Variants in CSMD1 observed in about 807,000 individuals in gnomAD.
The protein encoded by CSMD1 is CUB and sushi domain-containing protein 1.
CSMD1 carries 213 observed loss-of-function variants against 417.5 expected under a neutral mutation model. The observed-to-expected ratio is 0.51, with a 90% CI of 0.46 to 0.57. The LOEUF is 0.57. CSMD1 is among the 20% of genes least tolerant of loss of function. CSMD1 has a pLI of 0.00. For missense variants in CSMD1, 6,923 were observed against 4,529.7 expected (o/e 1.53, Z -15.17); for synonymous variants, 2,862 against 1,736.8 (o/e 1.65, Z -16.11).
At chr8:3,094,239 G>A (rs1324044335) in intron 47 of CSMD1, among the ~76,000 whole-genome samples, 1 of 152,066 alleles carries the variant, frequency 6.6e-6, no homozygotes, top group Non-Finnish European at 1.5e-5. Context: ...CTGAGTAGCT[G>A]GGATTACAGG....
intron 3 of CSMD1, among the ~76,000 whole-genome samples, chr8:4,312,828 C>G (rs1035460050): frequency 3.9e-5 from 6 of 152,022 alleles, no homozygotes; most frequent in South Asian, 4.1e-4. Context: ...TAGCTGAGAT[C>G]GCGCCAGGCA....
chr8:3,786,753 C>T (rs1266367559), intron 5 of CSMD1, among the ~76,000 whole-genome samples: 1 of 152,184 alleles, frequency 6.6e-6, no homozygotes, highest in Non-Finnish European at 1.5e-5. Flanking sequence ...TGAGAACTTT[C>T]TTTCAAGCTC....
rs1412653001 is a variant in CSMD1, at chr8:3,720,960, C to T, written c.932-12469G>A. ...CCTCCCAACTAGCTGGGATTACAGGCACCCACCACTACACCCGGCTAATTT... is the reference window on the plus strand; with the variant it reads ...CCTCCCAACTAGCTGGGATTACAGGTACCCACCACTACACCCGGCTAATTT... On this transcript the variant is annotated intron_variant, in intron 6 of 69. Coordinates refer to ENST00000635120, the MANE Select transcript of CSMD1 (RefSeq NM_033225.6). Among the ~76,000 whole-genome samples the T allele has an allele frequency of 2.0e-5, 3 of 152,058 alleles. No individual in the cohort carries two copies. In the South Asian group the frequency reaches 6.2e-4, roughly 32 times the overall value.
chr8:4,905,829 AAAAAAG>A (rs1261940397), intron 1 of CSMD1, among the ~76,000 whole-genome samples: 164 of 142,544 alleles, frequency 1.2e-3, no homozygotes, highest in South Asian at 3.4e-3. Flanking sequence ...CAAAAAAAAA[AAAAAAG>A]AAAAAAAGAA....
At chr8:3,869,029 T>C (rs1469782548) in intron 5 of CSMD1, among the ~76,000 whole-genome samples, 3 of 152,248 alleles carry the variant, frequency 2.0e-5, no homozygotes, top group Non-Finnish European at 4.4e-5. Context: ...GCTGCAAGCA[T>C]ATTTACAGTG....
chr8:4,442,562 A>AT (rs1338311852), intron 2 of CSMD1, among the ~76,000 whole-genome samples: 1 of 152,096 alleles, frequency 6.6e-6, no homozygotes, highest in Non-Finnish European at 1.5e-5. Flanking sequence ...AACTAAAGAG[A>AT]TTTTATCTTG....
At chr8:3,978,254 T>G (rs1813592933) in intron 5 of CSMD1, among the ~76,000 whole-genome samples, 1 of 152,090 alleles carries the variant, frequency 6.6e-6, no homozygotes, top group Admixed American at 6.6e-5. Flanking sequence ...CCAGCAGAGG[T>G]GACCTGACAT....
chr8:3,352,739 C>A (rs192268341), intron 21 of CSMD1, among the ~76,000 whole-genome samples: 2 of 152,160 alleles, frequency 1.3e-5, no homozygotes, highest in Admixed American at 6.5e-5. Context: ...AATTGGGAGG[C>A]TGAGGCCGGA....
intron 29 of CSMD1, 44 bp from the exon 30 acceptor site, chr8:3,214,735 AT>A (rs772813129): frequency 6.8e-7 from 1 of 1,464,892 alleles, no homozygotes; most frequent in South Asian, 1.3e-5. Flanking sequence ...CAGGGATCTT[AT>A]TCTTGTTTGT....
At chr8:3,147,324 A>C (rs914224650) in intron 40 of CSMD1, among the ~76,000 whole-genome samples, 1 of 152,322 alleles carries the variant, frequency 6.6e-6, no homozygotes, top group South Asian at 2.1e-4. Context: ...CATGATTTCT[A>C]CATTTTTACA....
intron 41 of CSMD1, chr8:3,129,027 A>G: frequency 3.0e-6 from 1 of 338,320 alleles, no homozygotes; most frequent in South Asian, 2.4e-5. Flanking sequence ...AGCCAACCAG[A>G]TGCTTGACCT....
chr8:3,458,362 A>T (rs943859524), intron 12 of CSMD1, among the ~76,000 whole-genome samples: 1 of 152,188 alleles, frequency 6.6e-6, no homozygotes, highest in Non-Finnish European at 1.5e-5. Flanking sequence ...ATCTGTGCTT[A>T]TAATTCATTC....
chr8:4,002,264 T>G (rs573050027), intron 4 of CSMD1, among the ~76,000 whole-genome samples: 1 of 151,816 alleles, frequency 6.6e-6, no homozygotes, highest in Non-Finnish European at 1.5e-5. Context: ...TGTGTGTGTT[T>G]GTGTTTGAAA....
At chr8:4,324,483 TG>T (rs1799440956) in intron 3 of CSMD1, among the ~76,000 whole-genome samples, 1 of 152,212 alleles carries the variant, frequency 6.6e-6, no homozygotes, top group African/African-American at 2.4e-5. Flanking sequence ...GAAATCTTCT[TG>T]GAAGCAGATG....
chr8:3,684,144 T>C lies in CSMD1; in HGVS notation c.1009+24270A>G, dbSNP rs1305928514. Among the ~76,000 whole-genome samples, 3 of 139,058 alleles carry C rather than the reference T, an allele frequency of 2.2e-5. 1 individual carries two copies. Among genetic ancestry groups the C allele is most frequent in the African/African-American group, 7.7e-5 (3 of 39,122 alleles). 91.2% of individuals were successfully genotyped at this position (139,058 alleles called of 152,430 possible). ...TATAATTTATATAATATATAATGCC[T>C]ATATGTTATAATTTATATAATATAT... On this transcript the variant is annotated intron_variant, in intron 7 of 69. Transcript: ENST00000635120.
At chr8:4,367,516 T>C (rs925870217) in intron 3 of CSMD1, among the ~76,000 whole-genome samples, 1 of 152,218 alleles carries the variant, frequency 6.6e-6, no homozygotes, top group Non-Finnish European at 1.5e-5. Context: ...TTGTTCCTTT[T>C]GCTCAGGACT....
intron 4 of CSMD1, among the ~76,000 whole-genome samples, chr8:4,023,746 T>C (rs1452326504): frequency 7.1e-6 from 1 of 139,976 alleles, no homozygotes; most frequent in Admixed American, 7.4e-5. Context: ...ACCGCTACGC[T>C]CGGCTAATTT....
At chr8:4,784,478 C>A (rs74811116) in intron 1 of CSMD1, among the ~76,000 whole-genome samples, 1,593 of 152,302 alleles carry the variant, frequency 0.01, 13 homozygotes, top group East Asian at 0.056. Context: ...GAAATTTTAA[C>A]TGCTGTTTTA....
chr8:3,380,858 T>C (rs1253398630), intron 18 of CSMD1, among the ~76,000 whole-genome samples: 1 of 151,206 alleles, frequency 6.6e-6, no homozygotes, highest in Non-Finnish European at 1.5e-5. Flanking sequence ...ACCTGCACGA[T>C]CCGCACATGT....
Sources: gnomAD v4.1 joint callset for allele counts (sites outside exome capture counted in the v4.1 genomes callset) on GRCh38, gnomAD v4.1.1 for gene constraint, MANE v1.5 for transcripts, NCBI Gene and HGNC (gene_info 2026-07-23, HGNC 2026-07-21) for gene names.